THBS3: variants seen among roughly 807,000 people sequenced by gnomAD.
THBS3 encodes thrombospondin-3.
THBS3 carries 78 observed loss-of-function variants against 118.3 expected under a neutral mutation model. The observed-to-expected ratio is 0.66, with a 90% CI of 0.55 to 0.80. The LOEUF (loss-of-function observed/expected upper bound fraction) is 0.80, where lower values mean the gene tolerates loss of function less well. Ranked by LOEUF, THBS3 falls within the 30% of genes least tolerant of loss-of-function variation. THBS3 has a pLI of 0.00. For missense variants in THBS3, 1,057 were observed against 1,247.4 expected, an observed-to-expected ratio of 0.85 and a Z score of 2.30; for synonymous variants, 427 against 475.3, an observed-to-expected ratio of 0.90 and a Z score of 1.32.
Position 155,200,493 on chromosome 1 carries a change from T to G in THBS3, c.1666A>C (p.Asn556His). Residue 556 changes from asparagine to histidine, a missense_variant, in exon 14 of 23, where the codon AAT (asparagine) becomes CAT (histidine). Physicochemically the swap from Asn to His is moderately conservative, Grantham distance 68 (BLOSUM62 1). Coordinates refer to ENST00000368378, the MANE Select transcript of THBS3 (RefSeq NM_007112.5). ...PNNDQKDTDG[N>H]GEGDACDNDV... ...TTGTCACAGGCATCTCCTTCCCCAT[T>G]GCCATCTGTGTCCTTCTGGTCATTG... 1.2e-6 allele frequency: 2 copies of G among 1,614,046 alleles called. No individual in the cohort carries two copies.
At position 155,198,418 on chromosome 1, in the gene THBS3, C is replaced by T. The variant is rs563089993; in HGVS notation, c.2065G>A (p.Asp689Asn). 1 of 1,613,908 alleles carries T rather than the reference C, an allele frequency of 6.2e-7. No homozygotes were observed. The highest frequency in any genetic ancestry group is 1.3e-5 in the African/African-American group (1 of 75,046). The change falls in exon 17 of 23, where the codon GAC becomes AAC. Residue 689 changes from aspartate to asparagine, a missense_variant. By Grantham distance (23) the Asp-to-Asn change is conservative. Coordinates refer to ENST00000368378, the MANE Select transcript of THBS3 (RefSeq NM_007112.5). ...GGGTCCGCAGGCTTACCATCTGAGT[C>T]CTTCTGATTGGGATTGGGTACCAGG... ...CRLVPNPNQK[D>N]SDGNGVGDVC...
At chr1:155,208,429 G>T (rs1670856040), upstream of THBS3, among the ~76,000 whole-genome samples, 1 of 152,216 alleles carries the variant, frequency 6.6e-6, no homozygotes, top group Non-Finnish European at 1.5e-5. Context: ...TCATTCGTAG[G>T]AAAGCTTGGG....
Position 155,198,220 on chromosome 1 carries a change from C to T in THBS3, c.2075G>A (p.Gly692Asp), listed in dbSNP as rs760040711. 7 of 1,613,888 alleles carry T rather than the reference C, an allele frequency of 4.3e-6. No homozygotes were observed. The East Asian group carries it at 1.3e-4, about 31-fold the overall frequency. Residue 692 changes from glycine (G) to aspartate (D), a missense_variant and splice_region_variant, in exon 18 of 23, where the codon GGC becomes GAC. Coordinates refer to ENST00000368378, the MANE Select transcript of THBS3 (RefSeq NM_007112.5). ...CTCACACACATCACCAACGCCATTG[C>T]CTGGGCAGAGTGAGGCTGGGTGCTC... is the stretch of plus-strand genomic sequence containing the variant. ...VPNPNQKDSD[G>D]NGVGDVCEDD...
rs1390916030 is a variant in THBS3 at position 155,200,986 on chromosome 1, GT to G, written c.1458del (p.Asn488ThrfsTer117). 3 of 1,614,186 alleles carry G rather than the reference GT, an allele frequency of 1.9e-6. No homozygotes were observed. The South Asian group carries it at 3.3e-5, about 18-fold the overall frequency. ...TCAGCATCTTCCTGCCCAGAGTTGG[GT>G]GTCAAAAGGCAGTTGTCCTAAAGTT... Reference protein sequence around the residue: ...KHCKQDNCLLTPNSGQEDADN... With the variant: ...KHCKQDNCLLXPNSGQEDADN... On this transcript the variant is annotated frameshift_variant, in exon 13 of 23. Coordinates refer to ENST00000368378, the MANE Select transcript of THBS3 (RefSeq NM_007112.5). LOFTEE classifies it high-confidence loss of function.
chr1:155,201,988 C>T lies in THBS3; in HGVS notation c.1145G>A (p.Cys382Tyr). The T allele has an allele frequency of 6.2e-7, 1 of 1,614,156 alleles. No homozygotes were observed. The highest frequency in any genetic ancestry group is 8.5e-7 in the Non-Finnish European group (1 of 1,180,042). ...GTTGGTGCAGATGGAGTTTGGGTCA[C>T]AGCCACCATTGTTGCCATCGTTGCA... is the stretch of plus-strand genomic sequence containing the variant. The part of the protein sequence containing the change: ...DECNDGNNGG[C>Y]DPNSICTNTV... Residue 382 changes from cysteine (C) to tyrosine (Y), a missense_variant, in exon 10 of 23, where the codon TGT (cysteine) becomes TAT (tyrosine). Cys to Tyr is a radical substitution (Grantham distance 194). Transcript: ENST00000368378.
chr1:155,204,189 G>A (rs1007914781), intron 4 of THBS3, among the ~76,000 whole-genome samples: 7 of 152,120 alleles, frequency 4.6e-5, no homozygotes, highest in Non-Finnish European at 1.0e-4. Flanking sequence ...GGAAAGGTGG[G>A]TCTTTTATTT....
chr1:155,199,762 C>G (rs189213886), intron 16 of THBS3, 42 bp downstream of exon 16: 1 of 1,608,288 alleles, frequency 6.2e-7, no homozygotes, highest in Non-Finnish European at 8.5e-7. Context: ...CTCAGAAAGA[C>G]AAAAAAAAGA....
chr1:155,208,869 G>C (rs757046514), upstream of THBS3: 1 of 1,611,452 alleles, frequency 6.2e-7, no homozygotes. Context: ...CCCTGGAGCA[G>C]TACAGGCCAC....
At position 155,195,853 on chromosome 1, in the gene THBS3, C is replaced by T. The variant is rs918489659; in HGVS notation, c.2859G>A (p.Gln953=). 8.7e-6 allele frequency: 14 copies of T among 1,613,868 alleles called. No individual in the cohort carries two copies. The highest frequency in any genetic ancestry group is 2.2e-5 in the South Asian group (2 of 91,068). ...GGTGGCCTCCTCCTCACACCCTTCC[C>T]TGGAGCAGCTGCCTCCGGAATGGCT... ...DFEPFRRQLL[Q]GRV The change falls in exon 23 of 23, where the codon CAG becomes CAA. Residue 953 remains glutamine, a synonymous_variant. Transcript: ENST00000368378.
intron 2 of THBS3, 41 bp from the exon 3 acceptor site, chr1:155,205,357 C>T (rs1372068068): frequency 1.9e-6 from 3 of 1,594,208 alleles, no homozygotes; most frequent in East Asian, 4.5e-5. Context: ...TATCCCCCAC[C>T]CCCTGCCTCC....
upstream of THBS3, chr1:155,208,652 C>T (rs1405402039): frequency 3.7e-6 from 3 of 820,356 alleles, no homozygotes; most frequent in Non-Finnish European, 3.6e-6. Flanking sequence ...CCTGAGTTCC[C>T]GTCACCTAAG....
chr1:155,200,619 A>G lies in THBS3; in HGVS notation c.1549-9T>C. ...AACAGCCGGCAGTTGTCCTGGGCAGAGGGGTGGGAGGGGAAGGGTCAGGTC... is the reference window on the plus strand; with the variant it reads ...AACAGCCGGCAGTTGTCCTGGGCAGGGGGGTGGGAGGGGAAGGGTCAGGTC... On this transcript the variant is annotated splice_polypyrimidine_tract_variant and intron_variant, in intron 13 of 22. Coordinates refer to ENST00000368378, the MANE Select transcript of THBS3 (RefSeq NM_007112.5). The G allele has an allele frequency of 3.5e-6, 4 of 1,127,584 alleles. No individual in the cohort carries two copies. Among genetic ancestry groups the G allele is most frequent in the Non-Finnish European group, 2.7e-6 (2 of 742,872 alleles). 69.8% of individuals were successfully genotyped at this position (1,127,584 alleles called of 1,614,324 possible).
At position 155,198,103 on chromosome 1, in the gene THBS3, G is replaced by T; in HGVS notation, c.2192C>A (p.Thr731Asn). 6.2e-7 allele frequency: 1 copy of T among 1,614,172 alleles called. No individual in the cohort carries two copies. Among genetic ancestry groups the T allele is most frequent in the Non-Finnish European group, 8.5e-7 (1 of 1,180,042 alleles). ...VTLTDFRAYQ[T>N]VVLDPEGDAQ... ...ATCACCCTCAGGATCCAGGACGACGGTCTGATAGGCCCGAAAATCCGTAAG... is the reference window on the plus strand; with the variant it reads ...ATCACCCTCAGGATCCAGGACGACGTTCTGATAGGCCCGAAAATCCGTAAG... Residue 731 changes from threonine to asparagine, a missense_variant, in exon 18 of 23, where the codon ACC becomes AAC. Coordinates refer to ENST00000368378, the MANE Select transcript of THBS3 (RefSeq NM_007112.5).
Position 155,201,572 on chromosome 1 carries a change from A to G in THBS3, c.1177-3T>C, listed in dbSNP as rs1669732025. 1 of 1,613,322 alleles carries G rather than the reference A, an allele frequency of 6.2e-7. No homozygotes were observed. The highest frequency in any genetic ancestry group is 1.1e-5 in the South Asian group (1 of 90,960). ...CAGGGACCACACTTGAAAGAGCCCT[A>G]AGAGTGGAGAGGCAGCATCTTAGGA... On this transcript the variant is annotated splice_region_variant and splice_polypyrimidine_tract_variant and intron_variant, in intron 10 of 22. Coordinates refer to ENST00000368378, the MANE Select transcript of THBS3 (RefSeq NM_007112.5).
In THBS3 at chr1:155,202,684, C is replaced by G; in HGVS notation, c.957+128G>C. The stretch of plus-strand genomic sequence containing the variant: ...TCTGTCTCTCCCATCTTGCATTTCT[C>G]TTGCCTCTGACCTCTCCTAAACTCC... On this transcript the variant is annotated intron_variant, in intron 8 of 22. Coordinates refer to ENST00000368378, the MANE Select transcript of THBS3 (RefSeq NM_007112.5). The surrounding 1 kb of genome is among the most constrained non-coding windows in gnomAD (Gnocchi z 5.5). The G allele has an allele frequency of 7.3e-7, 1 of 1,367,078 alleles. No homozygotes were observed. The highest frequency in any genetic ancestry group is 1.4e-5 in the South Asian group (1 of 70,564). The allele number at this position is 1,367,078 out of a possible 1,614,324, so 84.7% of individuals were successfully genotyped here. A position where few individuals can be genotyped will look rare whatever the true frequency, so the allele number is the denominator to read the frequency against.
rs566996035 is a variant in THBS3 at position 155,202,998 on chromosome 1, CTATT to C, written c.809-42_809-39del. ...CACAGTCAGAGCTACCCGGTGGTCA[CTATT>C]TAAGCCACCAGAAGGGAAAGCCAAA... On this transcript the variant is annotated intron_variant, in intron 7 of 22. Coordinates refer to ENST00000368378, the MANE Select transcript of THBS3 (RefSeq NM_007112.5). The surrounding 1 kb of genome is among the most constrained non-coding windows in gnomAD (Gnocchi z 5.5). 208 of 1,613,730 alleles carry C rather than the reference CTATT, an allele frequency of 1.3e-4. No homozygotes were observed. Among genetic ancestry groups the C allele is most frequent in the Non-Finnish European group, 1.7e-4 (202 of 1,179,896 alleles).
intron 22 of THBS3, 22 bp downstream of exon 22, chr1:155,195,965 T>C (rs1174105608): frequency 1.2e-6 from 2 of 1,614,078 alleles, no homozygotes; most frequent in African/African-American, 2.7e-5. Context: ...AGGATTAGGT[T>C]GATCTCAATC....
At chr1:155,205,682 A>G (rs1670444023) in intron 2 of THBS3, among the ~76,000 whole-genome samples, 1 of 152,134 alleles carries the variant, frequency 6.6e-6, no homozygotes, top group Non-Finnish European at 1.5e-5. Context: ...GGAGGCTGAG[A>G]TAGGAGAATT....
chr1:155,200,476 G>A lies in THBS3; in HGVS notation c.1683C>T (p.Ala561=). 6.2e-7 allele frequency: 1 copy of A among 1,614,070 alleles called. No individual in the cohort carries two copies. The highest frequency in any genetic ancestry group is 1.1e-5 in the South Asian group (1 of 91,072). Reference sequence around the variant, plus strand: ...CATCCCCATCCACGTCGTTGTCACAGGCATCTCCTTCCCCATTGCCATCTG... The same window carrying A: ...CATCCCCATCCACGTCGTTGTCACAAGCATCTCCTTCCCCATTGCCATCTG... The part of the protein sequence containing the change: ...KDTDGNGEGD[A]CDNDVDGDGI... The change falls in exon 14 of 23, where the codon GCC becomes GCT. Residue 561 remains alanine (A), a synonymous_variant. Transcript: ENST00000368378.
Sources: gnomAD v4.1 joint callset for allele counts (sites outside exome capture counted in the v4.1 genomes callset) on GRCh38, gnomAD v4.1.1 for gene constraint, Gnocchi (gnomAD v3.1) non-coding constraint, MANE v1.5 for transcripts, NCBI Gene and HGNC (gene_info 2026-07-23, HGNC 2026-07-21) for gene names.